Variants in PTPRT observed in about 807,000 individuals in gnomAD.
PTPRT encodes protein tyrosine phosphatase receptor type T.
Under a neutral mutation model 176.8 loss-of-function variants are expected in PTPRT, and 56 were observed. The ratio of observed to expected loss-of-function variants is 0.32; its 90% CI spans 0.26 to 0.40. The LOEUF (loss-of-function observed/expected upper bound fraction) is 0.40, where lower values mean the gene tolerates loss of function less well. Among genes scored for constraint, PTPRT ranks in the 10% least tolerant of loss-of-function variants. PTPRT has a pLI of 1.00. For synonymous variants in PTPRT, 783 were observed against 739.0 expected, an observed-to-expected ratio of 1.06 and a Z score of -0.96; for missense variants, 1,540 against 1,908.2, an observed-to-expected ratio of 0.81 and a Z score of 3.60.
intron 6 of PTPRT, among the ~76,000 whole-genome samples, chr20:42,750,616 G>C (rs1391077264): frequency 6.6e-6 from 1 of 152,268 alleles, no homozygotes; most frequent in Middle Eastern, 3.4e-3. Flanking sequence ...TTTCTTCTGA[G>C]CACTAATTCT....
intron 18 of PTPRT, among the ~76,000 whole-genome samples, chr20:42,138,709 TATTTTACCCATTC>T (rs1988489332): frequency 6.6e-6 from 1 of 152,222 alleles, no homozygotes; most frequent in African/African-American, 2.4e-5. Context: ...TCTTTGTTCT[TATTTTACCCATTC>T]ATTTCCTTCC....
At chr20:43,019,818 G>T (rs1489512885) in intron 1 of PTPRT, among the ~76,000 whole-genome samples, 1 of 151,868 alleles carries the variant, frequency 6.6e-6, no homozygotes, top group Admixed American at 6.6e-5. Flanking sequence ...CCCAGAGCCA[G>T]GAGCGTTTCT....
chr20:42,497,598 TTTTAAAC>T (rs2071678221), intron 7 of PTPRT, among the ~76,000 whole-genome samples: 2 of 152,156 alleles, frequency 1.3e-5, no homozygotes, highest in South Asian at 4.1e-4. Flanking sequence ...CTTGACATTT[TTTTAAAC>T]GAAATCTTTT....
chr20:42,799,086 GAAGA>G (rs1049001308), intron 2 of PTPRT, among the ~76,000 whole-genome samples: 2 of 151,686 alleles, frequency 1.3e-5, no homozygotes, highest in African/African-American at 4.8e-5. Flanking sequence ...AGAAGGGGAA[GAAGA>G]AAGAAAAGAA....
intron 14 of PTPRT, 127 bp from the exon 15 acceptor site, chr20:42,236,385 C>A (rs2056243305): frequency 1.3e-6 from 1 of 785,012 alleles, no homozygotes; most frequent in South Asian, 1.7e-5. Context: ...ATTTCAGCAT[C>A]CCTAAGCTCA....
chr20:42,928,185 T>C (rs978544301), intron 1 of PTPRT, among the ~76,000 whole-genome samples: 1 of 152,226 alleles, frequency 6.6e-6, no homozygotes, highest in African/African-American at 2.4e-5. Flanking sequence ...TCTGGTTCCC[T>C]GCCCCAAATT....
chr20:42,832,768 T>C (rs1429505774), intron 2 of PTPRT, among the ~76,000 whole-genome samples: 2 of 143,292 alleles, frequency 1.4e-5, no homozygotes, highest in African/African-American at 5.2e-5. Flanking sequence ...AGTTTTGGCT[T>C]ATGTAATCCA....
At chr20:42,521,055 C>T (rs1214478914) in intron 7 of PTPRT, among the ~76,000 whole-genome samples, 4 of 152,028 alleles carry the variant, frequency 2.6e-5, no homozygotes, top group African/African-American at 9.6e-5. Context: ...CACCCACCTA[C>T]CTATATACAT....
chr20:42,591,318 G>A (rs1464692325), intron 7 of PTPRT, among the ~76,000 whole-genome samples: 1 of 152,206 alleles, frequency 6.6e-6, no homozygotes, highest in South Asian at 2.1e-4. Flanking sequence ...TATGAAGGTT[G>A]AAGATAGGTA....
intron 16 of PTPRT, among the ~76,000 whole-genome samples, chr20:42,190,773 G>A (rs947282253): frequency 9.9e-5 from 15 of 152,124 alleles, no homozygotes; most frequent in Admixed American, 7.9e-4. Context: ...AGTGTCTGTG[G>A]CCTTAAGTTT....
chr20:42,164,344 C>T (rs1989736048), intron 16 of PTPRT, among the ~76,000 whole-genome samples: 1 of 152,170 alleles, frequency 6.6e-6, no homozygotes, highest in African/African-American at 2.4e-5. Context: ...TTTCCCTAAA[C>T]ACATTGCTAG....
chr20:42,679,185 A>G (rs1316786849), intron 6 of PTPRT, among the ~76,000 whole-genome samples: 1 of 152,206 alleles, frequency 6.6e-6, no homozygotes, highest in Admixed American at 6.5e-5. Flanking sequence ...TTATTAGCCC[A>G]TGGCAAAGCT....
chr20:42,880,298 A>G (rs1413916874), intron 2 of PTPRT, among the ~76,000 whole-genome samples: 6 of 152,306 alleles, frequency 3.9e-5, no homozygotes, highest in African/African-American at 1.4e-4. Context: ...GAGCTCCAAC[A>G]GTGCCTAAAA....
chr20:42,168,973 C>T (rs1989957535), intron 16 of PTPRT, among the ~76,000 whole-genome samples: 1 of 152,220 alleles, frequency 6.6e-6, no homozygotes, highest in Admixed American at 6.5e-5. Flanking sequence ...TAGAATGCCA[C>T]TCCACTGTGC....
chr20:42,126,580 A>C (rs1287905678), intron 19 of PTPRT, among the ~76,000 whole-genome samples: 1 of 151,988 alleles, frequency 6.6e-6, no homozygotes, highest in African/African-American at 2.4e-5. Flanking sequence ...CTGAGACATC[A>C]CCTCCTCCAG....
chr20:42,713,564 T>C (rs1302763822), intron 6 of PTPRT, among the ~76,000 whole-genome samples: 1 of 152,180 alleles, frequency 6.6e-6, no homozygotes, highest in Non-Finnish European at 1.5e-5. Context: ...CTGTAAGACT[T>C]TTAACATTTT....
At chr20:42,981,600 G>T (rs1983276301) in intron 1 of PTPRT, among the ~76,000 whole-genome samples, 1 of 152,246 alleles carries the variant, frequency 6.6e-6, no homozygotes, top group South Asian at 2.1e-4. Flanking sequence ...ACATGGAGGA[G>T]AACCAAGGTG....
At chr20:42,040,672 G>A in the PTPRT span, among the ~76,000 whole-genome samples, 1 of 152,190 alleles carries the variant, frequency 6.6e-6, no homozygotes, top group Non-Finnish European at 1.5e-5. Context: ...TATTTAGTGT[G>A]TTTGGAAGGA....
intron 1 of PTPRT, among the ~76,000 whole-genome samples, chr20:42,934,563 C>T (rs910161598): frequency 6.6e-6 from 1 of 152,100 alleles, no homozygotes; most frequent in African/African-American, 2.4e-5. Context: ...GAATAATATG[C>T]TTCTAAGCTC....
Sources: gnomAD v4.1 joint callset for allele counts (sites outside exome capture counted in the v4.1 genomes callset) on GRCh38, gnomAD v4.1.1 for gene constraint, MANE v1.5 for transcripts, NCBI Gene and HGNC (gene_info 2026-07-23, HGNC 2026-07-21) for gene names.